The following GALNT10 variants were observed in gnomAD, a reference collection of about 807,000 sequenced individuals.
GALNT10 encodes the protein polypeptide N-acetylgalactosaminyltransferase 10.
In GALNT10, 41 loss-of-function variants were observed where a neutral mutation model predicts 75.0. That is an observed-to-expected ratio of 0.55 (90% CI 0.43 to 0.71). The LOEUF (loss-of-function observed/expected upper bound fraction) is 0.71, where lower values mean the gene tolerates loss of function less well. GALNT10 is among the 30% of genes least tolerant of loss of function. The probability of loss-of-function intolerance (pLI) is 0.00; values close to 1 mark genes in which losing one functional copy is unlikely to be tolerated. For synonymous variants in GALNT10, 302 were observed against 313.0 expected, an observed-to-expected ratio of 0.96 and a Z score of 0.37; for missense variants, 727 against 818.5, an observed-to-expected ratio of 0.89 and a Z score of 1.36.
At chr5:154,242,495 G>T (rs2113668893) in intron 1 of GALNT10, among the ~76,000 whole-genome samples, 1 of 152,220 alleles carries the variant, frequency 6.6e-6, no homozygotes. Context: ...ATACTCTTTG[G>T]TGCATCTGCC....
rs1336238815 is a variant in GALNT10 at position 154,417,626 on chromosome 5, G to A, written c.*654G>A. On this transcript the variant is annotated 3_prime_UTR_variant, in exon 12 of 12. Coordinates refer to ENST00000297107, the MANE Select transcript of GALNT10 (RefSeq NM_198321.4). ...GCTGCCAGGTGAGGAGTCAGAAGAG[G>A]GAGCCCCCCTAGACATTTCTTTGCA... The A allele has an allele frequency of 6.6e-6, 1 of 150,742 alleles. No homozygotes were observed. Among genetic ancestry groups the A allele is most frequent in the Non-Finnish European group, 1.5e-5 (1 of 67,710 alleles). The allele number at this position is 150,742 out of a possible 1,614,324, so 9.3% of individuals were successfully genotyped here. A position where few individuals can be genotyped will look rare whatever the true frequency, so the allele number is the denominator to read the frequency against.
intron 7 of GALNT10, among the ~76,000 whole-genome samples, chr5:154,400,182 C>T (rs1353706519): frequency 6.6e-6 from 1 of 152,092 alleles, no homozygotes; most frequent in Non-Finnish European, 1.5e-5. Context: ...TTAAACTAGC[C>T]GTAGCCGAGA....
chr5:154,307,141 C>T (rs901508530), intron 3 of GALNT10, among the ~76,000 whole-genome samples: 20 of 152,214 alleles, frequency 1.3e-4, no homozygotes, highest in Non-Finnish European at 2.4e-4. Flanking sequence ...CTAACAGCTT[C>T]GCTGAAATGA....
chr5:154,247,350 G>A (rs747171203), intron 1 of GALNT10, among the ~76,000 whole-genome samples: 5 of 152,180 alleles, frequency 3.3e-5, no homozygotes, highest in Admixed American at 1.3e-4. Flanking sequence ...TGTGAAGAAA[G>A]TCATTGGTAG....
intron 4 of GALNT10, chr5:154,356,209 C>T (rs1424514363): frequency 8.8e-6 from 4 of 456,182 alleles, no homozygotes; most frequent in South Asian, 1.5e-5. Flanking sequence ...CTTCAGCATA[C>T]GCAGCTCTGG....
At chr5:154,243,089 T>G (rs1753364004) in intron 1 of GALNT10, among the ~76,000 whole-genome samples, 1 of 152,178 alleles carries the variant, frequency 6.6e-6, no homozygotes, top group Non-Finnish European at 1.5e-5. Flanking sequence ...CATGTCTCTG[T>G]GCCTTCTCTC....
At chr5:154,401,836 A>T (rs919274432) in intron 7 of GALNT10, among the ~76,000 whole-genome samples, 9 of 152,150 alleles carry the variant, frequency 5.9e-5, no homozygotes, top group Non-Finnish European at 7.3e-5. Flanking sequence ...CCCAATCCCC[A>T]CGACCTCATC....
intron 1 of GALNT10, among the ~76,000 whole-genome samples, chr5:154,248,323 C>T (rs1380386826): frequency 6.6e-6 from 1 of 152,228 alleles, no homozygotes; most frequent in African/African-American, 2.4e-5. Flanking sequence ...ATGCTGGCCT[C>T]ATAAAATGAG....
intron 3 of GALNT10, among the ~76,000 whole-genome samples, chr5:154,315,822 A>G (rs13180928): frequency 0.3 from 46,039 of 152,114 alleles, 7,719 homozygotes; most frequent in African/African-American, 0.45. Context: ...CAGCATATAA[A>G]TTCCTTGTTG....
In GALNT10 at chr5:154,415,463, C is replaced by T. The variant is rs940944285; in HGVS notation, c.1504-320C>T. 9.2e-5 allele frequency among the ~76,000 whole-genome samples: 14 copies of T among 152,108 alleles called. No individual in the cohort carries two copies. The South Asian group carries it at 2.3e-3, about 25-fold the overall frequency. On this transcript the variant is annotated intron_variant, in intron 10 of 11. Transcript: ENST00000297107. Reference sequence around the variant, plus strand: ...AGTGATTCTCATTGCCTCAGCCTCCCGAGTAGGTGGAATTACAGGCATACG... The same window carrying T: ...AGTGATTCTCATTGCCTCAGCCTCCTGAGTAGGTGGAATTACAGGCATACG...
chr5:154,405,983 T>C (rs1756273423), intron 8 of GALNT10: 1 of 151,292 alleles, frequency 6.6e-6, no homozygotes, highest in South Asian at 2.1e-4. Flanking sequence ...ACTGTAGTAA[T>C]ACTTATAAAA....
At chr5:154,336,726 G>C (rs1334064596) in intron 4 of GALNT10, among the ~76,000 whole-genome samples, 1 of 151,956 alleles carries the variant, frequency 6.6e-6, no homozygotes, top group Non-Finnish European at 1.5e-5. Flanking sequence ...TTTGCAGTCT[G>C]GTATGTATCA....
chr5:154,319,247 A>G (rs768213016), intron 3 of GALNT10, among the ~76,000 whole-genome samples: 2 of 152,200 alleles, frequency 1.3e-5, no homozygotes, highest in African/African-American at 2.4e-5. Flanking sequence ...GCTTTATGCC[A>G]TGTTGTAAAA....
At chr5:154,269,946 G>A (rs922725114) in intron 1 of GALNT10, among the ~76,000 whole-genome samples, 3 of 152,130 alleles carry the variant, frequency 2.0e-5, no homozygotes, top group African/African-American at 7.2e-5. Flanking sequence ...ACAAGTCCAG[G>A]TAGTCTGACC....
At chr5:154,307,927 A>G (rs1754458998) in intron 3 of GALNT10, among the ~76,000 whole-genome samples, 1 of 150,704 alleles carries the variant, frequency 6.6e-6, no homozygotes, top group Non-Finnish European at 1.5e-5. Context: ...ACAATAAAGT[A>G]TGAAAAGAAA....
chr5:154,330,875 C>T (rs1754846911), intron 4 of GALNT10, among the ~76,000 whole-genome samples: 2 of 150,092 alleles, frequency 1.3e-5, no homozygotes, highest in South Asian at 2.1e-4. Flanking sequence ...TAATTACATG[C>T]GTTTAGTACA....
intron 1 of GALNT10, among the ~76,000 whole-genome samples, chr5:154,220,973 C>T (rs1232629413): frequency 1.3e-5 from 2 of 152,170 alleles, no homozygotes; most frequent in African/African-American, 4.8e-5. Context: ...AAATATCATG[C>T]AGGCCAAATA....
intron 7 of GALNT10, chr5:154,389,096 G>C (rs1359054834): frequency 1.3e-5 from 2 of 151,990 alleles, no homozygotes; most frequent in Non-Finnish European, 2.9e-5. Flanking sequence ...TATCAGCAAA[G>C]AGTAGTCAGT....
intron 1 of GALNT10, among the ~76,000 whole-genome samples, chr5:154,204,661 C>G (rs1414146299): frequency 6.6e-6 from 1 of 152,168 alleles, no homozygotes; most frequent in Admixed American, 6.5e-5. Flanking sequence ...TACTCTTCCC[C>G]AAGATTATAG....
Sources: allele counts gnomAD v4.1 joint callset (sites outside exome capture counted in the v4.1 genomes callset), GRCh38; gene constraint gnomAD v4.1.1; transcripts MANE v1.5; gene names NCBI Gene and HGNC (gene_info 2026-07-23, HGNC 2026-07-21).